The following GLB1 variants were observed in gnomAD, a reference collection of about 807,000 sequenced individuals.
The protein encoded by GLB1 is beta-galactosidase.
Under a neutral mutation model 74.0 loss-of-function variants are expected in GLB1, and 56 were observed. That is an observed-to-expected ratio of 0.76 (90% CI 0.61 to 0.94). The LOEUF (loss-of-function observed/expected upper bound fraction) is 0.94. Among genes scored for constraint, GLB1 ranks in the 40% least tolerant of loss-of-function variants. The probability of loss-of-function intolerance (pLI) is 0.00; values close to 1 mark genes in which losing one functional copy is unlikely to be tolerated. For synonymous variants in GLB1, 323 were observed against 323.6 expected (o/e 1.00, Z 0.02); for missense variants, 787 against 845.5 (o/e 0.93, Z 0.86).
intron 10 of GLB1, among the ~76,000 whole-genome samples, chr3:33,028,768 C>T (rs1369367377): frequency 6.6e-6 from 1 of 151,806 alleles, no homozygotes; most frequent in Admixed American, 6.6e-5. Context: ...CAGGTTCCAG[C>T]GATTCTCCTG....
chr3:32,975,736 T>C, the GLB1 span, among the ~76,000 whole-genome samples: 1 of 152,270 alleles, frequency 6.6e-6, no homozygotes, highest in Non-Finnish European at 1.5e-5. Flanking sequence ...GTGAACAAGA[T>C]CAACAATCCA....
At chr3:33,095,569 T>C (rs545273926) in intron 1 of GLB1, among the ~76,000 whole-genome samples, 2 of 152,294 alleles carry the variant, frequency 1.3e-5, no homozygotes, top group African/African-American at 4.8e-5. Context: ...CCTGGGGTGA[T>C]GCCAGCCTCC....
At chr3:33,026,108 G>A (rs1431422758) in intron 10 of GLB1, among the ~76,000 whole-genome samples, 3 of 115,360 alleles carry the variant, frequency 2.6e-5, no homozygotes, top group African/African-American at 7.9e-5. Context: ...AGCAGGAGCT[G>A]GGCGTGGCTG....
At chr3:32,997,599 G>C (rs1012363584) in intron 15 of GLB1, among the ~76,000 whole-genome samples, 22 of 152,130 alleles carry the variant, frequency 1.4e-4, no homozygotes, top group African/African-American at 5.1e-4. Context: ...ACCCACTCCT[G>C]CTTCAGGAAA....
At chr3:33,019,261 C>A (rs190428564) in intron 12 of GLB1, among the ~76,000 whole-genome samples, 2 of 152,204 alleles carry the variant, frequency 1.3e-5, no homozygotes, top group Non-Finnish European at 2.9e-5. Context: ...TTTTTAGATG[C>A]TGACATCCCT....
chr3:33,044,200 C>T (rs1698650560), intron 10 of GLB1, among the ~76,000 whole-genome samples: 1 of 152,146 alleles, frequency 6.6e-6, no homozygotes, highest in Non-Finnish European at 1.5e-5. Flanking sequence ...CTAGGCTCAG[C>T]AGCTTTCAAG....
At chr3:32,997,446 G>T in intron 15 of GLB1, 102 bp from the exon 16 acceptor site, 1 of 1,551,050 alleles carries the variant, frequency 6.4e-7, no homozygotes, top group Middle Eastern at 2.3e-4. Flanking sequence ...ATGGAGGAAA[G>T]AAATGCCCCC....
rs1276615868 is a variant in GLB1, at chr3:33,024,275, T to C, written c.1119A>G (p.Ala373=). 12 of 1,613,310 alleles carry C rather than the reference T, an allele frequency of 7.4e-6. No individual in the cohort carries two copies. The highest frequency in any genetic ancestry group is 1.3e-5 in the African/African-American group (1 of 75,032). Residue 373 remains alanine (A), a synonymous_variant, in exon 11 of 16, where the codon GCA becomes GCG. Transcript: ENST00000307363. ...GPIPPSTPKF[A]YGKVTLEKLK... ...CCTTTTCCAAAGTGACCTTTCCATA[T>C]GCAAACTTTGGTGTAGATGGAGGGA...
Position 33,018,285 on chromosome 3 carries a change from CAAAAAAAAAAAAAAAAAAAAAAA to C in GLB1, c.1347+140_1347+162del, listed in dbSNP as rs57833238. On this transcript the variant is annotated intron_variant, in intron 13 of 15. Transcript: ENST00000307363. ...TGGGCAACAGAGCAAAACCCTGTCT[CAAAAAAAAAAAAAAAAAAAAAAA>C]AAAAAAAAAAAAAAAAGATGATGGG... 1.4e-3 allele frequency among the ~76,000 whole-genome samples: 60 copies of C among 41,994 alleles called. 1 individual carries two copies. The highest frequency in any genetic ancestry group is 6.9e-3 in the African/African-American group (57 of 8,244). 27.5% of individuals were successfully genotyped at this position (41,994 alleles called of 152,430 possible). A position where few individuals can be genotyped will look rare whatever the true frequency, so the allele number is the denominator to read the frequency against.
Position 33,029,349 on chromosome 3 carries a change from C to T in GLB1, c.1069-5024G>A, listed in dbSNP as rs187655258. Among the ~76,000 whole-genome samples, 264 of 152,236 alleles carry T rather than the reference C, an allele frequency of 1.7e-3. 1 individual carries two copies. Among genetic ancestry groups the T allele is most frequent in the Middle Eastern group, 3.4e-3 (1 of 294 alleles). ...TGGAATCCACTAGATTCAATGGTGACCAGCTTTTCCTTCACCAAGACCTCT... is the reference window on the plus strand; with the variant it reads ...TGGAATCCACTAGATTCAATGGTGATCAGCTTTTCCTTCACCAAGACCTCT... On this transcript the variant is annotated intron_variant, in intron 10 of 15. Transcript: ENST00000307363.
chr3:33,011,270 A>T (rs1697011514), intron 15 of GLB1, among the ~76,000 whole-genome samples: 1 of 152,036 alleles, frequency 6.6e-6, no homozygotes, highest in African/African-American at 2.4e-5. Flanking sequence ...GCACTTTTCG[A>T]GGCCAAGTTC....
At chr3:33,082,812 T>C (rs976715675) in intron 1 of GLB1, among the ~76,000 whole-genome samples, 1 of 152,172 alleles carries the variant, frequency 6.6e-6, no homozygotes, top group African/African-American at 2.4e-5. Context: ...TGGACTGTCA[T>C]GGTCTGAGAG....
At chr3:33,014,789 A>G (rs1697174455) in intron 14 of GLB1, among the ~76,000 whole-genome samples, 1 of 152,208 alleles carries the variant, frequency 6.6e-6, no homozygotes, top group African/African-American at 2.4e-5. Context: ...CAACATGATG[A>G]AACCCCATCT....
intron 6 of GLB1, among the ~76,000 whole-genome samples, chr3:33,056,901 T>C (rs1010182489): frequency 1.3e-5 from 2 of 152,186 alleles, no homozygotes; most frequent in African/African-American, 4.8e-5. Flanking sequence ...TATTCAAAGA[T>C]TGCAATTTCT....
At position 33,051,233 on chromosome 3, in the gene GLB1, C is replaced by CAG. The variant is rs1553610268; in HGVS notation, c.955+524_955+525insCT. 5.6e-4 allele frequency among the ~76,000 whole-genome samples: 43 copies of CAG among 76,292 alleles called. 1 individual carries two copies. The highest frequency in any genetic ancestry group is 9.8e-3 in the Middle Eastern group (1 of 102). 50.1% of individuals were successfully genotyped at this position (76,292 alleles called of 152,430 possible). A position where few individuals can be genotyped will look rare whatever the true frequency, so the allele number is the denominator to read the frequency against. ...TGGGCGACAGAGCGAGACTGCGTCTCAAAAAAAAAAAAAAAAAAAAAAAGT... is the reference window on the plus strand; with the variant it reads ...TGGGCGACAGAGCGAGACTGCGTCTCAGAAAAAAAAAAAAAAAAAAAAAAAGT... On this transcript the variant is annotated intron_variant, in intron 9 of 15. Transcript: ENST00000307363.
At chr3:33,000,892 T>C (rs1696532232) in intron 15 of GLB1, among the ~76,000 whole-genome samples, 1 of 152,170 alleles carries the variant, frequency 6.6e-6, no homozygotes, top group African/African-American at 2.4e-5. Flanking sequence ...GAGCAAGTCA[T>C]AAATCAATGT....
intron 1 of GLB1, 65 bp from the exon 2 acceptor site, chr3:33,072,778 G>C (rs1429032753): frequency 3.1e-6 from 5 of 1,605,736 alleles, no homozygotes; most frequent in Non-Finnish European, 4.3e-6. Flanking sequence ...CCGATCCTTT[G>C]AGAGTAGCAA....
At chr3:32,962,166 C>T in the GLB1 span, among the ~76,000 whole-genome samples, 1,920 of 147,900 alleles carry the variant, frequency 0.013, 91 homozygotes, top group East Asian at 0.14. Context: ...TGCACTTCAG[C>T]CTGGGCGACA....
chr3:33,064,967 A>G lies in GLB1; in HGVS notation c.552+496T>C, dbSNP rs540112426. On this transcript the variant is annotated intron_variant, in intron 5 of 15. Coordinates refer to ENST00000307363, the MANE Select transcript of GLB1 (RefSeq NM_000404.4). ...AGGAGAATGGGGCAGGAAGTAAGAG[A>G]GGAAACATAACAGCCAGCCCCAATT... 7.2e-5 allele frequency among the ~76,000 whole-genome samples: 11 copies of G among 152,214 alleles called. No homozygotes were observed. In the South Asian group the frequency reaches 1.5e-3, roughly 20 times the overall value.
Sources: allele counts gnomAD v4.1 joint callset (sites outside exome capture counted in the v4.1 genomes callset), GRCh38; gene constraint gnomAD v4.1.1; transcripts MANE v1.5; gene names NCBI Gene and HGNC (gene_info 2026-07-23, HGNC 2026-07-21).